DNAAF11: variants seen among roughly 807,000 people sequenced by gnomAD.
DNAAF11 encodes the protein dynein axonemal assembly factor 11, also known as leucine rich repeat containing 6.
DNAAF11 carries 45 observed loss-of-function variants against 60.8 expected under a neutral mutation model. The observed-to-expected ratio is 0.74, with a 90% CI of 0.58 to 0.95. DNAAF11 has a LOEUF of 0.95. Among genes scored for constraint, DNAAF11 ranks in the 40% least tolerant of loss-of-function variants. The probability of loss-of-function intolerance (pLI) is 0.00; values close to 1 mark genes in which losing one functional copy is unlikely to be tolerated. For synonymous variants in DNAAF11, 191 were observed against 183.5 expected, an observed-to-expected ratio of 1.04 and a Z score of -0.33; for missense variants, 546 against 546.2, an observed-to-expected ratio of 1.00 and a Z score of 0.00.
intron 10 of DNAAF11, among the ~76,000 whole-genome samples, chr8:132,595,708 T>C (rs1816944409): frequency 6.6e-6 from 1 of 152,230 alleles, no homozygotes; most frequent in Non-Finnish European, 1.5e-5. Flanking sequence ...TTACATTGTG[T>C]TCTATTTCTA....
At chr8:132,626,006 T>C (rs1318159770) in intron 5 of DNAAF11, among the ~76,000 whole-genome samples, 2 of 152,132 alleles carry the variant, frequency 1.3e-5, no homozygotes, top group African/African-American at 2.4e-5. Flanking sequence ...TTTAAATGAT[T>C]CTCTTATCTC....
intron 1 of DNAAF11, among the ~76,000 whole-genome samples, chr8:132,672,958 T>A (rs1359688971): frequency 6.6e-6 from 1 of 151,966 alleles, no homozygotes; most frequent in African/African-American, 2.4e-5. Context: ...ACTAATGACA[T>A]CCCTGCGTCT....
intron 3 of DNAAF11, among the ~76,000 whole-genome samples, chr8:132,647,611 A>G (rs200440671): frequency 2.7e-4 from 40 of 149,490 alleles, no homozygotes; most frequent in Admixed American, 7.4e-4. Context: ...TTGATAGACC[A>G]CTAGCAACAC....
chr8:132,582,252 T>C (rs549210444), intron 11 of DNAAF11, among the ~76,000 whole-genome samples: 2 of 152,334 alleles, frequency 1.3e-5, no homozygotes, highest in East Asian at 3.9e-4. Flanking sequence ...ACAGGCATTT[T>C]ACATGTGATT....
intron 11 of DNAAF11, among the ~76,000 whole-genome samples, chr8:132,574,708 C>T (rs1814558856): frequency 6.6e-6 from 1 of 152,140 alleles, no homozygotes; most frequent in Non-Finnish European, 1.5e-5. Flanking sequence ...AATCTCTGAA[C>T]CTGGGGTCAT....
At chr8:132,667,120 A>T (rs1028141908) in intron 1 of DNAAF11, among the ~76,000 whole-genome samples, 9 of 152,238 alleles carry the variant, frequency 5.9e-5, no homozygotes, top group Non-Finnish European at 1.2e-4. Flanking sequence ...CTAAGAACTT[A>T]GAATGAACTT....
At chr8:132,626,368 G>A (rs116149500) in intron 5 of DNAAF11, among the ~76,000 whole-genome samples, 2,242 of 152,066 alleles carry the variant, frequency 0.015, 66 homozygotes, top group African/African-American at 0.05. Flanking sequence ...TTTATATTAT[G>A]GCCTGTGTCT....
chr8:132,692,041 G>A, the DNAAF11 span, among the ~76,000 whole-genome samples: 1 of 152,280 alleles, frequency 6.6e-6, no homozygotes, highest in Non-Finnish European at 1.5e-5. Flanking sequence ...TACTTTGAAA[G>A]AGACTCTTCT....
At chr8:132,654,647 T>C (rs559185395) in intron 3 of DNAAF11, among the ~76,000 whole-genome samples, 16 of 150,000 alleles carry the variant, frequency 1.1e-4, no homozygotes, top group African/African-American at 3.9e-4. Context: ...CACAAAGATG[T>C]GGAAATTAAA....
chr8:132,607,831 A>T (rs1818277597), intron 10 of DNAAF11, among the ~76,000 whole-genome samples: 1 of 152,118 alleles, frequency 6.6e-6, no homozygotes, highest in Non-Finnish European at 1.5e-5. Context: ...ACACACACAC[A>T]CATATATCAC....
chr8:132,628,156 G>A (rs1449010898), intron 5 of DNAAF11, among the ~76,000 whole-genome samples: 1 of 152,168 alleles, frequency 6.6e-6, no homozygotes, highest in Non-Finnish European at 1.5e-5. Context: ...GCTCACGCCT[G>A]TAATCCCAGC....
In DNAAF11 at chr8:132,632,839, T is replaced by C; in HGVS notation, c.554A>G (p.Glu185Gly). The C allele has an allele frequency of 1.9e-6, 3 of 1,613,812 alleles. No homozygotes were observed. The South Asian group carries it at 3.3e-5, about 18-fold the overall frequency. The change falls in exon 5 of 12, where the codon GAA becomes GGA. Residue 185 changes from glutamate (E) to glycine (G), a missense_variant. Coordinates refer to ENST00000620350, the MANE Select transcript of DNAAF11 (RefSeq NM_012472.6). ...DHCLKRAKLK[E>G]EAQRKHQEED... ...TTCTTGGTGTTTCCTCTGAGCCTCT[T>C]CCTTGAGTTTGGCTCGTTTAAGACA...
chr8:132,661,439 G>A (rs779194134), intron 2 of DNAAF11, 21 bp downstream of exon 2: 1 of 1,588,494 alleles, frequency 6.3e-7, no homozygotes, highest in Admixed American at 1.7e-5. Flanking sequence ...GAAACCATGA[G>A]AACTAAGTAC....
At chr8:132,658,567 C>T (rs1429334784) in intron 2 of DNAAF11, among the ~76,000 whole-genome samples, 2 of 152,108 alleles carry the variant, frequency 1.3e-5, no homozygotes, top group Non-Finnish European at 2.9e-5. Flanking sequence ...GTGATCCAGC[C>T]GCCTTAGCCT....
At chr8:132,607,844 T>C (rs1366318351) in intron 10 of DNAAF11, among the ~76,000 whole-genome samples, 2 of 152,084 alleles carry the variant, frequency 1.3e-5, no homozygotes. Context: ...TATATCACAG[T>C]TTCTTCATCA....
At chr8:132,693,819 C>G in the DNAAF11 span, among the ~76,000 whole-genome samples, 1 of 152,088 alleles carries the variant, frequency 6.6e-6, no homozygotes, top group Non-Finnish European at 1.5e-5. Context: ...AGTGCTCAAA[C>G]ATGCCCAGGG....
At chr8:132,625,478 T>TAAAAACAAAAAAAAAAAAAAAAAA in intron 5 of DNAAF11, 24 bp from the exon 6 acceptor site, 1 of 1,550,466 alleles carries the variant, frequency 6.4e-7, no homozygotes, top group Admixed American at 1.9e-5. Context: ...ATAGAGCACT[T>TAAAAACAAAAAAAAAAAAAAAAAA]AAAAACAATA....
At chr8:132,699,197 C>A in the DNAAF11 span, among the ~76,000 whole-genome samples, 68,159 of 151,422 alleles carry the variant, frequency 0.45, 18,668 homozygotes, top group African/African-American at 0.78. Context: ...GGTGGCGTGC[C>A]TGAATAGGGA....
chr8:132,674,887 T>TCAAACAAA lies in DNAAF11; in HGVS notation c.10+589_10+596dup, dbSNP rs577177171. 4.6e-3 allele frequency among the ~76,000 whole-genome samples: 708 copies of TCAAACAAA among 152,282 alleles called. 2 individuals carry two copies. Among genetic ancestry groups the TCAAACAAA allele is most frequent in the African/African-American group, 0.016 (672 of 41,558 alleles). Reference sequence around the variant, plus strand: ...TGGGCGACAGAGCAAAACTCTTGTCTCAAACAAACAAACAAAAACACGTTT... The same window carrying TCAAACAAA: ...TGGGCGACAGAGCAAAACTCTTGTCTCAAACAAACAAACAAACAAACAAAAACACGTTT... On this transcript the variant is annotated intron_variant, in intron 1 of 11. Coordinates refer to ENST00000620350, the MANE Select transcript of DNAAF11 (RefSeq NM_012472.6).
Sources: gnomAD v4.1 joint callset for allele counts (sites outside exome capture counted in the v4.1 genomes callset) on GRCh38, gnomAD v4.1.1 for gene constraint, MANE v1.5 for transcripts, NCBI Gene and HGNC (gene_info 2026-07-23, HGNC 2026-07-21) for gene names.